The following SLC7A14 variants were observed in gnomAD, a reference collection of about 807,000 sequenced individuals.
SLC7A14 encodes gamma-aminobutyric acid transporter SLC7A14.
SLC7A14 carries 37 observed loss-of-function variants against 60.2 expected under a neutral mutation model. That is an observed-to-expected ratio of 0.61 (90% CI 0.47 to 0.81). The LOEUF (loss-of-function observed/expected upper bound fraction) is 0.81, where lower values mean the gene tolerates loss of function less well. SLC7A14 is among the 30% of genes least tolerant of loss of function. The pLI is 0.00. For missense variants in SLC7A14, 886 were observed against 982.7 expected (o/e 0.90, Z 1.32); for synonymous variants, 399 against 395.8 (o/e 1.01, Z -0.10).
Position 170,540,023 on chromosome 3 carries a change from A to G in SLC7A14, c.-152-12935T>C, listed in dbSNP as rs778671245. 4.6e-5 allele frequency among the ~76,000 whole-genome samples: 7 copies of G among 152,302 alleles called. No homozygotes were observed. The Middle Eastern group carries it at 0.01, about 222-fold the overall frequency. ...TGTAATACAATGTACAGTCGATCTG[A>G]TAACTGAGATGGCCACCAAGTGACT... On this transcript the variant is annotated intron_variant, in intron 1 of 7. Coordinates refer to ENST00000231706, the MANE Select transcript of SLC7A14 (RefSeq NM_020949.3).
At chr3:170,550,512 ATTT>A (rs369436642) in intron 1 of SLC7A14, among the ~76,000 whole-genome samples, 38 of 60,612 alleles carry the variant, frequency 6.3e-4, no homozygotes, top group African/African-American at 3.1e-3. Context: ...CTTTCCTTGA[ATTT>A]TTTTTTTTTT....
At chr3:170,571,924 G>T (rs1714965562) in intron 1 of SLC7A14, among the ~76,000 whole-genome samples, 1 of 152,018 alleles carries the variant, frequency 6.6e-6, no homozygotes, top group Non-Finnish European at 1.5e-5. Context: ...AGCTGGGCAT[G>T]GTGGTGCACG....
At chr3:170,555,781 T>C (rs771181471) in intron 1 of SLC7A14, among the ~76,000 whole-genome samples, 8 of 152,346 alleles carry the variant, frequency 5.3e-5, no homozygotes, top group Non-Finnish European at 1.2e-4. Context: ...ATGTAGTTTG[T>C]TGACTCAAAC....
At chr3:170,479,956 T>G (rs1012731500) in intron 7 of SLC7A14, among the ~76,000 whole-genome samples, 4 of 152,242 alleles carry the variant, frequency 2.6e-5, no homozygotes, top group Non-Finnish European at 5.9e-5. Context: ...TGACCCCAAT[T>G]ATACTATGCT....
In SLC7A14 at chr3:170,496,569, G is replaced by A. The variant is rs549806724; in HGVS notation, c.759+2098C>T. On this transcript the variant is annotated intron_variant, in intron 4 of 7. Coordinates refer to ENST00000231706, the MANE Select transcript of SLC7A14 (RefSeq NM_020949.3). ...GCGTGAGTACCAGGAGCTGATGAAC[G>A]TCAAACTGGCCCTGGACATGGAGAT... 1.1e-3 allele frequency: 1,800 copies of A among 1,598,664 alleles called. 2 individuals carry two copies. The highest frequency in any genetic ancestry group is 1.5e-3 in the Non-Finnish European group (1,725 of 1,166,980).
intron 7 of SLC7A14, among the ~76,000 whole-genome samples, chr3:170,478,808 G>A (rs1045830472): frequency 1.3e-5 from 2 of 152,078 alleles, no homozygotes; most frequent in South Asian, 4.2e-4. Flanking sequence ...TCTAGGAGTG[G>A]ATGCACTGCC....
At chr3:170,488,216 A>T (rs1399455694) in intron 4 of SLC7A14, among the ~76,000 whole-genome samples, 1 of 152,228 alleles carries the variant, frequency 6.6e-6, no homozygotes, top group Admixed American at 6.5e-5. Context: ...CCATGGCACA[A>T]GAAAATTTAA....
intron 2 of SLC7A14, among the ~76,000 whole-genome samples, chr3:170,503,684 T>C (rs1350082844): frequency 6.6e-6 from 1 of 152,228 alleles, no homozygotes; most frequent in Non-Finnish European, 1.5e-5. Flanking sequence ...ATCGATTTGA[T>C]TGCAAATTTA....
At chr3:170,510,918 G>A (rs1712959815) in intron 2 of SLC7A14, among the ~76,000 whole-genome samples, 1 of 152,222 alleles carries the variant, frequency 6.6e-6, no homozygotes, top group Non-Finnish European at 1.5e-5. Flanking sequence ...CACATTTGAT[G>A]CTCAGACAAC....
chr3:170,536,041 G>T lies in SLC7A14; in HGVS notation c.-152-8953C>A, dbSNP rs538832548. Among the ~76,000 whole-genome samples the T allele has an allele frequency of 3.3e-4, 51 of 152,322 alleles. No individual in the cohort carries two copies. The South Asian group carries it at 9.7e-3, about 29-fold the overall frequency. ...CTGTGTCTACAGAGATACTGGGTTT[G>T]AAGTCTGAACAGTGAGGTCTGGGCT... is the stretch of plus-strand genomic sequence containing the variant. On this transcript the variant is annotated intron_variant, in intron 1 of 7. Transcript: ENST00000231706.
At chr3:170,554,680 G>A (rs986330149) in intron 1 of SLC7A14, among the ~76,000 whole-genome samples, 31 of 152,200 alleles carry the variant, frequency 2.0e-4, no homozygotes, top group Non-Finnish European at 5.9e-5. Context: ...CACGGCAGAT[G>A]TTCCTCCTAA....
intron 1 of SLC7A14, among the ~76,000 whole-genome samples, chr3:170,579,245 T>C (rs1247252635): frequency 6.6e-6 from 1 of 152,212 alleles, no homozygotes; most frequent in African/African-American, 2.4e-5. Flanking sequence ...GTTCCCAGCA[T>C]CAATTTCTCT....
At chr3:170,581,969 A>G (rs1318634592) in intron 1 of SLC7A14, among the ~76,000 whole-genome samples, 1 of 152,154 alleles carries the variant, frequency 6.6e-6, no homozygotes, top group Non-Finnish European at 1.5e-5. Flanking sequence ...TAATCTATAA[A>G]CTTGGATTTT....
In SLC7A14 at chr3:170,532,900, C is replaced by T. The variant is rs929401845; in HGVS notation, c.-152-5812G>A. 4.6e-5 allele frequency among the ~76,000 whole-genome samples: 7 copies of T among 152,210 alleles called. No homozygotes were observed. The highest frequency in any genetic ancestry group is 1.7e-4 in the African/African-American group (7 of 41,460). ...CAAACTTGTGGAGAACGGCTTTCCT[C>T]TTTCCTGTTTTCCTTTATCTAAAGG... On this transcript the variant is annotated intron_variant, in intron 1 of 7. Transcript: ENST00000231706. The surrounding 1 kb of genome is among the most constrained non-coding windows in gnomAD (Gnocchi z 4.0).
chr3:170,523,495 T>G (rs1187333636), intron 2 of SLC7A14, among the ~76,000 whole-genome samples: 1 of 152,238 alleles, frequency 6.6e-6, no homozygotes, highest in East Asian at 1.9e-4. Flanking sequence ...CTAGATTATG[T>G]GATTCAGCAC....
chr3:170,515,065 C>A (rs1713106870), intron 2 of SLC7A14, among the ~76,000 whole-genome samples: 1 of 152,070 alleles, frequency 6.6e-6, no homozygotes, highest in African/African-American at 2.4e-5. Context: ...GTAATCCCAG[C>A]ACTTTGGGAG....
chr3:170,512,654 ATTTTTTTTTTTTTTTTT>A (rs71176570), intron 2 of SLC7A14, among the ~76,000 whole-genome samples: 1 of 63,130 alleles, frequency 1.6e-5, no homozygotes, highest in Non-Finnish European at 2.8e-5. Flanking sequence ...TACAATTTGC[ATTTTTTTTTTTTTTTTT>A]TTTTTTTTTT....
chr3:170,513,433 T>C (rs572883334), intron 2 of SLC7A14, among the ~76,000 whole-genome samples: 124 of 152,346 alleles, frequency 8.1e-4, no homozygotes, highest in African/African-American at 2.5e-3. Context: ...CCAAGGGCTA[T>C]TGTTGAATTT....
chr3:170,511,789 G>A (rs1194345875), intron 2 of SLC7A14, among the ~76,000 whole-genome samples: 1 of 152,216 alleles, frequency 6.6e-6, no homozygotes. Context: ...CAAGCCCTAG[G>A]TGTGCTCAAT....
Sources: allele counts gnomAD v4.1 joint callset (sites outside exome capture counted in the v4.1 genomes callset), GRCh38; gene constraint gnomAD v4.1.1; non-coding constraint Gnocchi (gnomAD v3.1); transcripts MANE v1.5; gene names NCBI Gene and HGNC (gene_info 2026-07-23, HGNC 2026-07-21).